EYS: variants seen among roughly 807,000 people sequenced by gnomAD.
The protein encoded by EYS is protein eyes shut homolog.
In EYS, 250 loss-of-function variants were observed where a neutral mutation model predicts 282.1. The observed-to-expected ratio is 0.89, with a 90% CI of 0.80 to 0.98. The LOEUF is 0.98. Among genes scored for constraint, EYS ranks in the 50% least tolerant of loss-of-function variants. EYS has a pLI of 0.00. For synonymous variants in EYS, 1,355 were observed against 1,282.9 expected (o/e 1.06, Z -1.20); for missense variants, 4,016 against 3,709.0 (o/e 1.08, Z -2.15).
chr6:65,442,582 T>C (rs1292353928), intron 5 of EYS, among the ~76,000 whole-genome samples: 1 of 151,570 alleles, frequency 6.6e-6, no homozygotes, highest in Non-Finnish European at 1.5e-5. Flanking sequence ...TGAAACCCCG[T>C]CTCTACTAAA....
At chr6:64,423,487 T>C (rs1022058784) in intron 28 of EYS, among the ~76,000 whole-genome samples, 9 of 152,230 alleles carry the variant, frequency 5.9e-5, no homozygotes, top group African/African-American at 1.2e-4. Flanking sequence ...CCTAACATTA[T>C]AGAATCGTCA....
intron 31 of EYS, among the ~76,000 whole-genome samples, chr6:64,208,162 A>C (rs1426482937): frequency 6.6e-6 from 1 of 152,184 alleles, no homozygotes; most frequent in Admixed American, 6.5e-5. Context: ...ATTATCGTTC[A>C]TGTGTTCCAC....
intron 22 of EYS, among the ~76,000 whole-genome samples, chr6:64,680,979 T>C (rs1263042241): frequency 6.6e-6 from 1 of 152,122 alleles, no homozygotes; most frequent in Non-Finnish European, 1.5e-5. Context: ...AGGAGGCTGG[T>C]ATATATAGCA....
rs765596305 is a variant in EYS, at chr6:65,565,244, CAAAAAAAAAAAAA to C, written c.-332-69264_-332-69252del. Among the ~76,000 whole-genome samples the C allele has an allele frequency of 8.0e-3, 13 of 1,618 alleles. 2 individuals are homozygous for C. The highest frequency in any genetic ancestry group is 1.6e-3 in the Non-Finnish European group (2 of 1,282). The allele number at this position is 1,618 out of a possible 152,430, so 1.1% of individuals were successfully genotyped here. On this transcript the variant is annotated intron_variant, in intron 2 of 42. Transcript: ENST00000503581. ...TGGGCGACAGAGCGAGACTCCGTCT[CAAAAAAAAAAAAA>C]AAAAAAAAAAAAAAAAAAAAGTGGG...
At chr6:65,526,857 A>G (rs1293901797) in intron 2 of EYS, among the ~76,000 whole-genome samples, 1 of 152,152 alleles carries the variant, frequency 6.6e-6, no homozygotes, top group Non-Finnish European at 1.5e-5. Context: ...TGGAATCGAA[A>G]TAACGAGAGG....
At chr6:64,714,516 CTTTTTTTTTTTTT>C (rs55730437) in intron 22 of EYS, among the ~76,000 whole-genome samples, 7 of 127,916 alleles carry the variant, frequency 5.5e-5, no homozygotes, top group Non-Finnish European at 8.3e-5. Flanking sequence ...TTCTTTCTTT[CTTTTTTTTTTTTT>C]TTTTTTTTTT....
intron 31 of EYS, among the ~76,000 whole-genome samples, chr6:64,222,168 T>C (rs1394240670): frequency 6.6e-6 from 1 of 152,102 alleles, no homozygotes; most frequent in Non-Finnish European, 1.5e-5. Context: ...ATTAAAGCAA[T>C]TGAAATTGAT....
chr6:64,622,409 C>A (rs915324541), intron 23 of EYS, among the ~76,000 whole-genome samples: 1 of 152,114 alleles, frequency 6.6e-6, no homozygotes, highest in Non-Finnish European at 1.5e-5. Context: ...CAAAAATAAA[C>A]AACATTTACA....
rs969130720 is a variant in EYS at position 64,130,607 on chromosome 6, C to A, written c.6425-48605G>T. On this transcript the variant is annotated intron_variant, in intron 31 of 42. Transcript: ENST00000503581. ...AAACCTGCACATTGTGCACATGTACCCTAAAACTTAAAGTATAATTAAAAA... is the reference window on the plus strand; with the variant it reads ...AAACCTGCACATTGTGCACATGTACACTAAAACTTAAAGTATAATTAAAAA... Among the ~76,000 whole-genome samples, 6 of 151,386 alleles carry A rather than the reference C, an allele frequency of 4.0e-5. No individual in the cohort carries two copies. The South Asian group carries it at 1.2e-3, about 32-fold the overall frequency.
At chr6:65,157,825 C>T (rs1043668163) in intron 12 of EYS, among the ~76,000 whole-genome samples, 1 of 150,084 alleles carries the variant, frequency 6.7e-6, no homozygotes, top group Non-Finnish European at 1.5e-5. Context: ...AACATGTTTT[C>T]TTTGATATAA....
chr6:64,744,217 G>A (rs1772476425), intron 22 of EYS, among the ~76,000 whole-genome samples: 2 of 152,146 alleles, frequency 1.3e-5, no homozygotes, highest in Admixed American at 6.5e-5. Context: ...ATCAATTCTA[G>A]TTGGTAAAGA....
intron 14 of EYS, among the ~76,000 whole-genome samples, chr6:64,973,188 A>G (rs1456786272): frequency 1.3e-5 from 2 of 152,050 alleles, no homozygotes; most frequent in African/African-American, 2.4e-5. Flanking sequence ...AAAATAATAC[A>G]CCTAGGAGAA....
At position 65,539,632 on chromosome 6, in the gene EYS, T is replaced by C. The variant is rs541573593; in HGVS notation, c.-332-43639A>G. On this transcript the variant is annotated intron_variant, in intron 2 of 42. Transcript: ENST00000503581. The stretch of plus-strand genomic sequence containing the variant: ...TTATATATATCAAATATGTGTTGTA[T>C]TTCTAGCTACTAAGAATGACATAAA... Among the ~76,000 whole-genome samples, 134 of 152,330 alleles carry C rather than the reference T, an allele frequency of 8.8e-4. No individual in the cohort carries two copies. The Middle Eastern group carries it at 0.014, about 15-fold the overall frequency.
At chr6:65,594,838 G>A (rs1045224073) in intron 2 of EYS, among the ~76,000 whole-genome samples, 1 of 151,998 alleles carries the variant, frequency 6.6e-6, no homozygotes, top group African/African-American at 2.4e-5. Flanking sequence ...ACTAATTTTT[G>A]TATAAGGTGT....
intron 30 of EYS, among the ~76,000 whole-genome samples, chr6:64,270,958 TAAC>T (rs1767923834): frequency 6.6e-6 from 1 of 152,224 alleles, no homozygotes; most frequent in South Asian, 2.1e-4. Context: ...TATTTTCAAT[TAAC>T]AACATTCCTA....
chr6:65,621,927 G>A (rs990616837), intron 2 of EYS, among the ~76,000 whole-genome samples: 9 of 152,024 alleles, frequency 5.9e-5, no homozygotes, highest in Admixed American at 6.6e-5. Context: ...ATAAAGCTGT[G>A]GTGTTATGCT....
intron 18 of EYS, among the ~76,000 whole-genome samples, chr6:64,888,710 G>A (rs1457407015): frequency 3.3e-5 from 5 of 151,790 alleles, no homozygotes; most frequent in African/African-American, 1.2e-4. Flanking sequence ...TATTCATTTT[G>A]CGAATATCTC....
chr6:64,244,001 G>C (rs1349444474), intron 30 of EYS, among the ~76,000 whole-genome samples: 3 of 151,888 alleles, frequency 2.0e-5, no homozygotes, highest in African/African-American at 7.3e-5. Flanking sequence ...GTAACTTATT[G>C]GGTCAAAAAA....
chr6:65,637,913 G>A (rs1018311304), intron 2 of EYS, among the ~76,000 whole-genome samples: 9 of 152,198 alleles, frequency 5.9e-5, no homozygotes, highest in Non-Finnish European at 1.2e-4. Context: ...ATGGTGGCAA[G>A]AAGCAGACAG....
Sources: gnomAD v4.1 joint callset for allele counts (sites outside exome capture counted in the v4.1 genomes callset) on GRCh38, gnomAD v4.1.1 for gene constraint, MANE v1.5 for transcripts, NCBI Gene and HGNC (gene_info 2026-07-23, HGNC 2026-07-21) for gene names.